LOXL2: variants seen among roughly 807,000 people sequenced by gnomAD.
LOXL2 encodes lysyl oxidase homolog 2.
In LOXL2, 70 loss-of-function variants were observed where a neutral mutation model predicts 93.0. The ratio of observed to expected loss-of-function variants is 0.75; its 90% CI spans 0.62 to 0.92. The LOEUF (loss-of-function observed/expected upper bound fraction) is 0.92. Ranked by LOEUF, LOXL2 falls within the 40% of genes least tolerant of loss-of-function variation. LOXL2 has a pLI of 0.00. For synonymous variants in LOXL2, 438 were observed against 413.2 expected (o/e 1.06, Z -0.73); for missense variants, 973 against 1,054.9 (o/e 0.92, Z 1.08).
In LOXL2 at chr8:23,340,899, G is replaced by A. The variant is rs1803871466; in HGVS notation, c.743+93C>T. The A allele has an allele frequency of 5.0e-6, 6 of 1,208,520 alleles. No individual in the cohort carries two copies. The Admixed American group carries it at 1.0e-4, about 21-fold the overall frequency. 74.9% of individuals were successfully genotyped at this position (1,208,520 alleles called of 1,614,324 possible). On this transcript the variant is annotated intron_variant, in intron 4 of 13. Transcript: ENST00000389131. ...ACACCAGCTTGCCTGGCCATGCCTG[G>A]CCAAGGAAAGGCCACCACCAGGGCG... is the stretch of plus-strand genomic sequence containing the variant.
intron 10 of LOXL2, among the ~76,000 whole-genome samples, chr8:23,308,830 C>T (rs998319036): frequency 6.6e-6 from 1 of 151,954 alleles, no homozygotes; most frequent in Non-Finnish European, 1.5e-5. Context: ...CAGGTGATGC[C>T]GCCCAGCTGA....
intron 3 of LOXL2, among the ~76,000 whole-genome samples, chr8:23,346,996 G>T (rs558143336): frequency 6.6e-6 from 1 of 152,166 alleles, no homozygotes; most frequent in African/African-American, 2.4e-5. Context: ...TCCTCTCAGA[G>T]CCTGCAGCTT....
chr8:23,399,031 A>C (rs995425508), intron 1 of LOXL2, among the ~76,000 whole-genome samples: 1 of 152,232 alleles, frequency 6.6e-6, no homozygotes, highest in Non-Finnish European at 1.5e-5. Context: ...CAACTTACAC[A>C]GGACTGAAGA....
At chr8:23,316,463 T>G (rs1384999047) in intron 9 of LOXL2, among the ~76,000 whole-genome samples, 1 of 152,130 alleles carries the variant, frequency 6.6e-6, no homozygotes, top group Non-Finnish European at 1.5e-5. Context: ...CTTCAGGAAG[T>G]GGGTCATCCT....
chr8:23,394,760 C>A (rs1800067049), intron 1 of LOXL2, among the ~76,000 whole-genome samples: 1 of 140,632 alleles, frequency 7.1e-6, no homozygotes, highest in Non-Finnish European at 1.5e-5. Flanking sequence ...GTATATACCC[C>A]CCCAAAATTG....
In LOXL2 at chr8:23,344,236, C is replaced by T. The variant is rs73547610; in HGVS notation, c.532-3033G>A. On this transcript the variant is annotated intron_variant, in intron 3 of 13. Coordinates refer to ENST00000389131, the MANE Select transcript of LOXL2 (RefSeq NM_002318.3). Reference sequence around the variant, plus strand: ...CGCTGAATAGGGCTGGTGGGGAGAGCCCCGGGGGCTCCACGATGAAGGCAA... The same window carrying T: ...CGCTGAATAGGGCTGGTGGGGAGAGTCCCGGGGGCTCCACGATGAAGGCAA... Among the ~76,000 whole-genome samples, 101 of 152,328 alleles carry T rather than the reference C, an allele frequency of 6.6e-4. 1 individual carries two copies. The highest frequency in any genetic ancestry group is 2.3e-3 in the African/African-American group (97 of 41,572).
At chr8:23,347,168 AACACACACACAC>A (rs60464587) in intron 3 of LOXL2, among the ~76,000 whole-genome samples, 57 of 141,864 alleles carry the variant, frequency 4.0e-4, no homozygotes, top group Middle Eastern at 3.7e-3. Context: ...AACACACACA[AACACACACACAC>A]ACACACACAC....
At chr8:23,398,662 A>G (rs1158343236) in intron 1 of LOXL2, among the ~76,000 whole-genome samples, 1 of 152,176 alleles carries the variant, frequency 6.6e-6, no homozygotes, top group Non-Finnish European at 1.5e-5. Context: ...ATCCTTTATC[A>G]TCATCAACCA....
chr8:23,371,908 T>A (rs1433967505), intron 1 of LOXL2, among the ~76,000 whole-genome samples: 1 of 151,920 alleles, frequency 6.6e-6, no homozygotes, highest in Non-Finnish European at 1.5e-5. Flanking sequence ...GCAAGTCTAA[T>A]AAATGCATGT....
chr8:23,380,063 A>T (rs112652159), intron 1 of LOXL2, among the ~76,000 whole-genome samples: 2 of 152,090 alleles, frequency 1.3e-5, no homozygotes, highest in Non-Finnish European at 2.9e-5. Context: ...AGCTGTTCCT[A>T]TTTGGCCATC....
intron 1 of LOXL2, among the ~76,000 whole-genome samples, chr8:23,384,625 G>C (rs774350765): frequency 1.3e-5 from 2 of 152,096 alleles, no homozygotes; most frequent in South Asian, 2.1e-4. Flanking sequence ...AACTTAAAAG[G>C]CTCCAGCGGC....
chr8:23,302,094 T>C lies in LOXL2; in HGVS notation c.2066A>G (p.Tyr689Cys), dbSNP rs1456987993. ...QGITMGCWDM[Y>C]RHDIDCQWVD... ...CCACTGGCAGTCGATGTCATGGCGG[T>C]ACATGTCCCAGCAGCCCATGGTGAT... The change falls in exon 12 of 14, where the codon TAC becomes TGC. Residue 689 changes from tyrosine (Y) to cysteine (C), a missense_variant. Transcript: ENST00000389131. 6.2e-7 allele frequency: 1 copy of C among 1,614,090 alleles called. No homozygotes were observed. Among genetic ancestry groups the C allele is most frequent in the South Asian group, 1.1e-5 (1 of 91,074 alleles).
At chr8:23,333,295 G>A (rs1386669686) in intron 5 of LOXL2, 106 bp downstream of exon 5, 12 of 1,071,496 alleles carry the variant, frequency 1.1e-5, no homozygotes, top group Middle Eastern at 5.0e-4. Context: ...GGTGATCTCC[G>A]CTGAGGCCAC....
chr8:23,297,852 G>C lies in LOXL2; in HGVS notation c.*191C>G, dbSNP rs11785468. 1 of 561,620 alleles carries C rather than the reference G, an allele frequency of 1.8e-6. No individual in the cohort carries two copies. Among genetic ancestry groups the C allele is most frequent in the African/African-American group, 1.9e-5 (1 of 53,030 alleles). The allele number at this position is 561,620 out of a possible 1,614,324, so 34.8% of individuals were successfully genotyped here. A position where few individuals can be genotyped will look rare whatever the true frequency, so the allele number is the denominator to read the frequency against. On this transcript the variant is annotated 3_prime_UTR_variant, in exon 14 of 14. Transcript: ENST00000389131. The stretch of plus-strand genomic sequence containing the variant: ...AGGCCTTCTCAGGCCCCAAGGGTCA[G>C]GTAGCAGCCCCCCATGAATGATGGG...
At chr8:23,369,813 G>C (rs1310243756) in intron 1 of LOXL2, among the ~76,000 whole-genome samples, 1 of 152,142 alleles carries the variant, frequency 6.6e-6, no homozygotes, top group East Asian at 1.9e-4. Context: ...CCAACGCACA[G>C]CCTGACCCCC....
intron 12 of LOXL2, among the ~76,000 whole-genome samples, chr8:23,301,273 C>A (rs1803126895): frequency 6.6e-6 from 1 of 152,218 alleles, no homozygotes; most frequent in Admixed American, 6.5e-5. Flanking sequence ...TGTACCCGTG[C>A]ACTGGGAGAG....
intron 1 of LOXL2, among the ~76,000 whole-genome samples, chr8:23,380,248 C>T (rs1334648375): frequency 2.6e-5 from 4 of 152,130 alleles, no homozygotes; most frequent in African/African-American, 4.8e-5. Context: ...CAAAAATTAG[C>T]TGGGCATGGT....
intron 3 of LOXL2, among the ~76,000 whole-genome samples, chr8:23,359,081 T>C (rs1463020084): frequency 6.6e-6 from 1 of 152,092 alleles, no homozygotes; most frequent in Non-Finnish European, 1.5e-5. Flanking sequence ...CTCGATCTCC[T>C]GACCTCGTGA....
At chr8:23,352,282 C>T (rs1305644048) in intron 3 of LOXL2, among the ~76,000 whole-genome samples, 1 of 152,150 alleles carries the variant, frequency 6.6e-6, no homozygotes, top group African/African-American at 2.4e-5. Context: ...CACAAACTAC[C>T]CCCTGGCTAC....
Sources: allele counts gnomAD v4.1 joint callset (sites outside exome capture counted in the v4.1 genomes callset), GRCh38; gene constraint gnomAD v4.1.1; transcripts MANE v1.5; gene names NCBI Gene and HGNC (gene_info 2026-07-23, HGNC 2026-07-21).